KAZN: variants seen among roughly 807,000 people sequenced by gnomAD.
The protein encoded by KAZN is kazrin.
In KAZN, 40 loss-of-function variants were observed where a neutral mutation model predicts 87.4. The ratio of observed to expected loss-of-function variants is 0.46; its 90% CI spans 0.36 to 0.60. The LOEUF is 0.60. KAZN is among the 20% of genes least tolerant of loss of function. The pLI is 0.00. For missense variants in KAZN, 898 were observed against 1,073.9 expected, an observed-to-expected ratio of 0.84 and a Z score of 2.29; for synonymous variants, 466 against 458.3, an observed-to-expected ratio of 1.02 and a Z score of -0.22.
intron 2 of KAZN, among the ~76,000 whole-genome samples, chr1:14,264,955 C>T (rs1651358141): frequency 6.6e-6 from 1 of 152,308 alleles, no homozygotes; most frequent in African/African-American, 2.4e-5. Flanking sequence ...AGGGCATGGA[C>T]ATCTCTGGGG....
At chr1:14,926,704 C>T (rs1271063270) in intron 1 of KAZN, among the ~76,000 whole-genome samples, 2 of 152,168 alleles carry the variant, frequency 1.3e-5, no homozygotes, top group Non-Finnish European at 2.9e-5. Flanking sequence ...TCTAGGAGGG[C>T]GATGGGAACT....
At chr1:14,137,974 T>G (rs1645146005) in intron 1 of KAZN, among the ~76,000 whole-genome samples, 1 of 152,176 alleles carries the variant, frequency 6.6e-6, no homozygotes, top group African/African-American at 2.4e-5. Flanking sequence ...TAATTCTCTT[T>G]TAAAGCTTTG....
At chr1:15,032,828 A>G (rs1376354517) in intron 2 of KAZN, among the ~76,000 whole-genome samples, 4 of 152,106 alleles carry the variant, frequency 2.6e-5, no homozygotes, top group Admixed American at 1.3e-4. Context: ...GGGCACCTGC[A>G]ATCCCAGCTA....
At chr1:15,055,432 C>A (rs1204121669) in intron 4 of KAZN, among the ~76,000 whole-genome samples, 2 of 152,110 alleles carry the variant, frequency 1.3e-5, no homozygotes. Context: ...AGCTGAGCCA[C>A]TGCACTCCAG....
chr1:14,164,872 G>A (rs898935802), intron 1 of KAZN, among the ~76,000 whole-genome samples: 10 of 152,078 alleles, frequency 6.6e-5, no homozygotes, highest in African/African-American at 2.4e-4. Context: ...ACTCATTGTT[G>A]GGAATGATTT....
chr1:14,552,960 A>G (rs1443107086), intron 2 of KAZN, among the ~76,000 whole-genome samples: 2 of 152,280 alleles, frequency 1.3e-5, no homozygotes, highest in East Asian at 3.9e-4. Flanking sequence ...GGGCAACTGC[A>G]GCCCATCAAA....
chr1:14,190,490 T>G (rs1288379926), intron 2 of KAZN, among the ~76,000 whole-genome samples: 4 of 152,162 alleles, frequency 2.6e-5, no homozygotes, highest in Admixed American at 1.3e-4. Flanking sequence ...CATTCTTTAC[T>G]TTCTTTCTTT....
intron 1 of KAZN, among the ~76,000 whole-genome samples, chr1:14,100,029 G>A (rs1451165027): frequency 6.6e-6 from 1 of 152,064 alleles, no homozygotes; most frequent in Non-Finnish European, 1.5e-5. Flanking sequence ...AAGTACTGGA[G>A]AATGGCCATG....
At chr1:15,040,962 T>C (rs956537493) in intron 3 of KAZN, among the ~76,000 whole-genome samples, 1 of 151,864 alleles carries the variant, frequency 6.6e-6, no homozygotes, top group African/African-American at 2.4e-5. Context: ...TTTTTTTTAT[T>C]TTTTTTGAGA....
intron 2 of KAZN, among the ~76,000 whole-genome samples, chr1:14,585,352 C>G (rs975994609): frequency 6.6e-6 from 1 of 152,136 alleles, no homozygotes; most frequent in Non-Finnish European, 1.5e-5. Flanking sequence ...GGCTTGCAAC[C>G]ATATTCATTT....
chr1:15,093,177 AAC>A (rs1359869453), intron 8 of KAZN, among the ~76,000 whole-genome samples: 2 of 152,136 alleles, frequency 1.3e-5, no homozygotes, highest in African/African-American at 4.8e-5. Context: ...GTGGAGATGG[AAC>A]AGTCTCCTCC....
At chr1:14,666,753 T>G (rs1233908588) in intron 1 of KAZN, among the ~76,000 whole-genome samples, 2 of 152,164 alleles carry the variant, frequency 1.3e-5, no homozygotes, top group Non-Finnish European at 2.9e-5. Context: ...TTTTTTTAGT[T>G]TTTGAGACAG....
intron 1 of KAZN, among the ~76,000 whole-genome samples, chr1:13,966,651 G>T (rs1294893829): frequency 6.6e-6 from 1 of 152,224 alleles, no homozygotes; most frequent in Non-Finnish European, 1.5e-5. Context: ...GGCCACAGGA[G>T]GCTGGCTTTT....
chr1:14,165,983 C>T (rs10803470), intron 1 of KAZN, among the ~76,000 whole-genome samples: 22,097 of 152,042 alleles, frequency 0.15, 1,791 homozygotes, highest in East Asian at 0.33. Context: ...GGCAGCAGTA[C>T]GGAATATGCG....
intron 2 of KAZN, among the ~76,000 whole-genome samples, chr1:14,507,785 A>G (rs897366119): frequency 3.3e-5 from 5 of 152,066 alleles, no homozygotes; most frequent in African/African-American, 1.2e-4. Context: ...TGCAGGTCTA[A>G]TAAAAATTTG....
intron 1 of KAZN, among the ~76,000 whole-genome samples, chr1:14,042,361 CTA>C (rs1274965249): frequency 1.3e-5 from 2 of 152,126 alleles, no homozygotes; most frequent in Non-Finnish European, 2.9e-5. Context: ...GGCAAGAATA[CTA>C]TGAGTCCAAC....
At chr1:14,151,605 T>C (rs1047958521) in intron 1 of KAZN, among the ~76,000 whole-genome samples, 14 of 152,198 alleles carry the variant, frequency 9.2e-5, no homozygotes, top group Admixed American at 2.0e-4. Flanking sequence ...ATTCCTCTCA[T>C]CATGGAATTT....
At chr1:14,530,036 G>C (rs1156662174) in intron 2 of KAZN, among the ~76,000 whole-genome samples, 2 of 152,178 alleles carry the variant, frequency 1.3e-5, no homozygotes, top group African/African-American at 4.8e-5. Flanking sequence ...AGTATCCAAA[G>C]TACCCAGATG....
intron 1 of KAZN, among the ~76,000 whole-genome samples, chr1:14,657,537 C>T (rs1010831108): frequency 6.6e-6 from 1 of 152,194 alleles, no homozygotes; most frequent in African/African-American, 2.4e-5. Context: ...TAAGTACTAC[C>T]CCACTTGGGC....
Sources: gnomAD v4.1 joint callset for allele counts (sites outside exome capture counted in the v4.1 genomes callset) on GRCh38, gnomAD v4.1.1 for gene constraint, MANE v1.5 for transcripts, NCBI Gene and HGNC (gene_info 2026-07-23, HGNC 2026-07-21) for gene names.